The following ADARB2 variants were observed in gnomAD, a reference collection of about 807,000 sequenced individuals.
ADARB2 encodes adenosine deaminase RNA specific B2 (inactive).
Under a neutral mutation model 62.2 loss-of-function variants are expected in ADARB2, and 25 were observed. That is an observed-to-expected ratio of 0.40 (90% CI 0.29 to 0.56). The LOEUF is 0.56. Ranked by LOEUF, ADARB2 falls within the 20% of genes least tolerant of loss-of-function variation. The pLI, the probability that ADARB2 is intolerant of heterozygous loss-of-function variation, is 0.43. For missense variants in ADARB2, 1,071 were observed against 1,077.4 expected, an observed-to-expected ratio of 0.99 and a Z score of 0.08; for synonymous variants, 572 against 500.8, an observed-to-expected ratio of 1.14 and a Z score of -1.90.
chr10:1,326,501 T>G (rs11250416), intron 3 of ADARB2, among the ~76,000 whole-genome samples: 69,865 of 152,092 alleles, frequency 0.46, 16,672 homozygotes, highest in African/African-American at 0.59. Flanking sequence ...CTATGAACTC[T>G]GAAAAGTAAC....
rs115638913 is a variant in ADARB2, at chr10:1,561,021, C to T, written c.100+176030G>A. ...ATCCTCACTCACCGTCCAACAGAAACGTAACGTGAGCCACAGGGGTACCAC... is the reference window on the plus strand; with the variant it reads ...ATCCTCACTCACCGTCCAACAGAAATGTAACGTGAGCCACAGGGGTACCAC... On this transcript the variant is annotated intron_variant, in intron 1 of 9. Transcript: ENST00000381312. 9.1e-3 allele frequency among the ~76,000 whole-genome samples: 1,383 copies of T among 152,246 alleles called. 18 individuals carry two copies. The highest frequency in any genetic ancestry group is 0.026 in the African/African-American group (1,100 of 41,542).
At chr10:1,416,441 G>T (rs1832802415) in intron 1 of ADARB2, among the ~76,000 whole-genome samples, 1 of 152,214 alleles carries the variant, frequency 6.6e-6, no homozygotes, top group Admixed American at 6.5e-5. Flanking sequence ...CTACTCTGGG[G>T]TCCAAAGTCA....
chr10:1,347,782 C>T (rs1224260670), intron 3 of ADARB2, among the ~76,000 whole-genome samples: 2 of 152,148 alleles, frequency 1.3e-5, no homozygotes, highest in Non-Finnish European at 2.9e-5. Context: ...GAAGGCACCC[C>T]CAGTGGACAC....
At chr10:1,724,920 C>T (rs541380726) in intron 1 of ADARB2, among the ~76,000 whole-genome samples, 2 of 152,206 alleles carry the variant, frequency 1.3e-5, no homozygotes, top group Non-Finnish European at 2.9e-5. Flanking sequence ...ATAAATGTCA[C>T]TGCCTTGTAG....
At chr10:1,463,902 A>G (rs1831209246) in intron 1 of ADARB2, among the ~76,000 whole-genome samples, 1 of 152,244 alleles carries the variant, frequency 6.6e-6, no homozygotes, top group African/African-American at 2.4e-5. Flanking sequence ...CGAAGAAGAC[A>G]TATGAGAGAC....
At chr10:1,422,243 C>A (rs1358241726) in intron 1 of ADARB2, among the ~76,000 whole-genome samples, 1 of 152,172 alleles carries the variant, frequency 6.6e-6, no homozygotes, top group African/African-American at 2.4e-5. Context: ...TATTTCACAG[C>A]TTTATGCTTT....
At position 1,374,764 on chromosome 10, in the gene ADARB2, G is replaced by A. The variant is rs568882738; in HGVS notation, c.187+4310C>T. On this transcript the variant is annotated intron_variant, in intron 2 of 9. Coordinates refer to ENST00000381312, the MANE Select transcript of ADARB2 (RefSeq NM_018702.4). Reference sequence around the variant, plus strand: ...CCGCATGCATCACTAATGACGCTGCGTGCCTGCGGGTCAGACGGGCTCCCG... The same window carrying A: ...CCGCATGCATCACTAATGACGCTGCATGCCTGCGGGTCAGACGGGCTCCCG... Among the ~76,000 whole-genome samples the A allele has an allele frequency of 5.9e-5, 9 of 152,356 alleles. No individual in the cohort carries two copies. The South Asian group carries it at 8.3e-4, about 14-fold the overall frequency.
At chr10:1,566,063 CAAAAAAAAAAAAAAAAAAAAA>C (rs376967105) in intron 1 of ADARB2, among the ~76,000 whole-genome samples, 52 of 128,022 alleles carry the variant, frequency 4.1e-4, no homozygotes, top group African/African-American at 1.5e-3. Context: ...CTCAGTCTAG[CAAAAAAAAAAAAAAAAAAAAA>C]AAAAAAAAAA....
intron 3 of ADARB2, among the ~76,000 whole-genome samples, chr10:1,324,200 C>A (rs978873504): frequency 2.0e-5 from 3 of 152,198 alleles, no homozygotes; most frequent in Non-Finnish European, 4.4e-5. Context: ...ACACGAGGTA[C>A]CATATGAGTC....
chr10:1,347,699 G>A (rs114769788), intron 3 of ADARB2, among the ~76,000 whole-genome samples: 1,978 of 152,296 alleles, frequency 0.013, 51 homozygotes, highest in African/African-American at 0.045. Flanking sequence ...TGCACAAGGA[G>A]CACAGCCATC....
At chr10:1,456,265 G>A (rs1831094617) in intron 1 of ADARB2, among the ~76,000 whole-genome samples, 2 of 152,182 alleles carry the variant, frequency 1.3e-5, no homozygotes, top group South Asian at 4.1e-4. Flanking sequence ...ACTGGGACCA[G>A]CAAAAGGATC....
chr10:1,251,493 A>G (rs117838935), intron 4 of ADARB2, among the ~76,000 whole-genome samples: 1,842 of 152,294 alleles, frequency 0.012, 24 homozygotes, highest in Middle Eastern at 0.031. Context: ...TGATGGTACA[A>G]TGGTGGATCC....
At chr10:1,374,767 C>T (rs11250483) in intron 2 of ADARB2, among the ~76,000 whole-genome samples, 27,857 of 152,270 alleles carry the variant, frequency 0.18, 3,428 homozygotes, top group East Asian at 0.59. Context: ...ACGCTGCGTG[C>T]CTGCGGGTCA....
chr10:1,319,744 C>G (rs1831778854), intron 3 of ADARB2, among the ~76,000 whole-genome samples: 1 of 152,166 alleles, frequency 6.6e-6, no homozygotes, highest in Non-Finnish European at 1.5e-5. Flanking sequence ...GAGTACCTAC[C>G]TTAGCTTGTA....
intron 1 of ADARB2, among the ~76,000 whole-genome samples, chr10:1,710,507 TG>T (rs5782593): frequency 0.14 from 21,088 of 152,280 alleles, 1,714 homozygotes; most frequent in Admixed American, 0.22. Flanking sequence ...ATGAGATGCC[TG>T]GGAATCCAGC....
At chr10:1,375,727 A>G in intron 2 of ADARB2, among the ~76,000 whole-genome samples, 2 of 152,182 alleles carry the variant, frequency 1.3e-5, no homozygotes, top group Non-Finnish European at 2.9e-5. Flanking sequence ...ATGTGCGTGC[A>G]CACATGTGCA....
At chr10:1,480,253 T>C (rs1171484038) in intron 1 of ADARB2, among the ~76,000 whole-genome samples, 1 of 152,238 alleles carries the variant, frequency 6.6e-6, no homozygotes, top group Non-Finnish European at 1.5e-5. Flanking sequence ...TAAAATTATC[T>C]GTTTGCAGGT....
chr10:1,562,533 A>G (rs1364754525), intron 1 of ADARB2, among the ~76,000 whole-genome samples: 3 of 152,256 alleles, frequency 2.0e-5, no homozygotes, highest in East Asian at 1.9e-4. Flanking sequence ...GAACTGGCTC[A>G]GTACATGCCA....
chr10:1,198,474 G>A (rs1392827), intron 8 of ADARB2, among the ~76,000 whole-genome samples: 100,091 of 152,152 alleles, frequency 0.66, 33,830 homozygotes, highest in South Asian at 0.75. Context: ...ATGTCCATCA[G>A]GAACAATGCA....
Sources: gnomAD v4.1 joint callset for allele counts (sites outside exome capture counted in the v4.1 genomes callset) on GRCh38, gnomAD v4.1.1 for gene constraint, MANE v1.5 for transcripts, NCBI Gene and HGNC (gene_info 2026-07-23, HGNC 2026-07-21) for gene names.